The following GPC5 variants were observed in gnomAD, a reference collection of about 807,000 sequenced individuals.
GPC5 encodes the protein glypican-5.
GPC5 carries 47 observed loss-of-function variants against 53.9 expected under a neutral mutation model. The observed-to-expected ratio is 0.87, with a 90% confidence interval of 0.69 to 1.11. The LOEUF (loss-of-function observed/expected upper bound fraction) is 1.11, where lower values mean the gene tolerates loss of function less well. GPC5 is among the 50% of genes most tolerant of loss of function. The probability of loss-of-function intolerance (pLI) is 0.00; values close to 1 mark genes in which losing one functional copy is unlikely to be tolerated. For synonymous variants in GPC5, 286 were observed against 263.3 expected (o/e 1.09, Z -0.84); for missense variants, 748 against 713.1 (o/e 1.05, Z -0.56).
chr13:91,506,009 G>A (rs930230669), intron 2 of GPC5, among the ~76,000 whole-genome samples: 5 of 152,024 alleles, frequency 3.3e-5, no homozygotes, highest in East Asian at 1.9e-4. Flanking sequence ...TGATATATTT[G>A]TGTTTCTATT....
intron 5 of GPC5, among the ~76,000 whole-genome samples, chr13:91,904,966 G>A (rs1303694187): frequency 6.6e-6 from 1 of 151,982 alleles, no homozygotes; most frequent in African/African-American, 2.4e-5. Context: ...CATTGACTGA[G>A]GGGCAAATGC....
intron 2 of GPC5, among the ~76,000 whole-genome samples, chr13:91,565,425 C>T (rs189231561): frequency 3.3e-5 from 5 of 152,236 alleles, no homozygotes; most frequent in Admixed American, 6.5e-5. Flanking sequence ...ACTGCTTAAG[C>T]GATGTACAGT....
chr13:92,291,658 C>G (rs1358188048), intron 7 of GPC5, among the ~76,000 whole-genome samples: 2 of 152,188 alleles, frequency 1.3e-5, no homozygotes, highest in East Asian at 3.9e-4. Flanking sequence ...GGGTCCCCTT[C>G]CACAATGTCG....
At chr13:92,356,566 A>C (rs2043524144) in intron 7 of GPC5, among the ~76,000 whole-genome samples, 1 of 152,202 alleles carries the variant, frequency 6.6e-6, no homozygotes, top group African/African-American at 2.4e-5. Flanking sequence ...AGACAAAGGT[A>C]AAAAGATTTG....
At chr13:92,119,401 T>A (rs1406563787) in intron 6 of GPC5, among the ~76,000 whole-genome samples, 1 of 126,750 alleles carries the variant, frequency 7.9e-6, no homozygotes, top group Non-Finnish European at 1.7e-5. Context: ...TTTTTTTTTT[T>A]TTTTTTTTTT....
At chr13:92,140,024 A>G (rs2138976612) in intron 6 of GPC5, among the ~76,000 whole-genome samples, 1 of 152,328 alleles carries the variant, frequency 6.6e-6, no homozygotes, top group East Asian at 1.9e-4. Flanking sequence ...CGTTCAAGAA[A>G]GTGGATTAAG....
chr13:92,660,300 G>T (rs1445609981), intron 7 of GPC5, among the ~76,000 whole-genome samples: 1 of 151,896 alleles, frequency 6.6e-6, no homozygotes, highest in African/African-American at 2.4e-5. Context: ...ATGCTTTGAT[G>T]ATGAACATTA....
intron 7 of GPC5, among the ~76,000 whole-genome samples, chr13:92,435,008 T>C (rs914827438): frequency 6.6e-6 from 1 of 152,154 alleles, no homozygotes; most frequent in Non-Finnish European, 1.5e-5. Flanking sequence ...TCTGCCTCCC[T>C]GGTTCAAGCG....
intron 7 of GPC5, among the ~76,000 whole-genome samples, chr13:92,480,570 A>C (rs994080888): frequency 3.9e-5 from 6 of 152,200 alleles, no homozygotes; most frequent in Non-Finnish European, 4.4e-5. Context: ...TAGAATTTGC[A>C]CTTTGGAATG....
At chr13:92,105,093 T>C (rs1465046812) in intron 6 of GPC5, among the ~76,000 whole-genome samples, 3 of 152,042 alleles carry the variant, frequency 2.0e-5, no homozygotes, top group Admixed American at 6.6e-5. Context: ...AACTTTTTAA[T>C]TGATTTTTTT....
chr13:92,395,068 A>G (rs1875199644), intron 7 of GPC5, among the ~76,000 whole-genome samples: 1 of 152,180 alleles, frequency 6.6e-6, no homozygotes, highest in African/African-American at 2.4e-5. Context: ...AATTTACTTA[A>G]TGATCTCTCT....
At chr13:92,118,080 GT>G (rs1188194300) in intron 6 of GPC5, among the ~76,000 whole-genome samples, 1 of 151,838 alleles carries the variant, frequency 6.6e-6, no homozygotes, top group African/African-American at 2.4e-5. Context: ...GGCAGTTTTG[GT>G]TTTTTTGTTT....
chr13:92,276,920 G>A (rs1213977048), intron 7 of GPC5, among the ~76,000 whole-genome samples: 2 of 151,950 alleles, frequency 1.3e-5, no homozygotes, highest in Admixed American at 6.6e-5. Context: ...TACTCATCCA[G>A]AGGAGGTATA....
At chr13:92,300,037 TA>T (rs2043064878) in intron 7 of GPC5, among the ~76,000 whole-genome samples, 1 of 152,206 alleles carries the variant, frequency 6.6e-6, no homozygotes, top group East Asian at 1.9e-4. Flanking sequence ...AATAATTGAT[TA>T]ATCTCTCCAT....
intron 5 of GPC5, among the ~76,000 whole-genome samples, chr13:91,815,587 A>G (rs573211108): frequency 1.2e-4 from 18 of 152,236 alleles, no homozygotes; most frequent in African/African-American, 4.1e-4. Flanking sequence ...TCTGGACATT[A>G]TGATTCCTTA....
chr13:91,412,793 CA>C (rs1410505070), intron 1 of GPC5, among the ~76,000 whole-genome samples: 1 of 152,170 alleles, frequency 6.6e-6, no homozygotes, highest in Non-Finnish European at 1.5e-5. Flanking sequence ...GAGAATTCCG[CA>C]GTATGAATCA....
At chr13:92,782,483 CT>C (rs1220433622) in intron 7 of GPC5, among the ~76,000 whole-genome samples, 1 of 152,078 alleles carries the variant, frequency 6.6e-6, no homozygotes, top group Non-Finnish European at 1.5e-5. Context: ...GTCTGAGTCA[CT>C]GAGATTTATA....
At position 92,144,870 on chromosome 13, in the gene GPC5, T is replaced by A; in HGVS notation, c.1442T>A (p.Leu481His). The A allele has an allele frequency of 2.5e-6, 4 of 1,612,086 alleles. No individual in the cohort carries two copies. Among genetic ancestry groups the A allele is most frequent in the Non-Finnish European group, 3.4e-6 (4 of 1,179,116 alleles). The change falls in exon 7 of 8, where the codon CTT becomes CAT. Residue 481 changes from leucine to histidine, a missense_variant. Coordinates refer to ENST00000377067, the MANE Select transcript of GPC5 (RefSeq NM_004466.6). Reference protein sequence around the residue: ...GRSPKPDKWELLQLGSGGGMV... With the variant: ...GRSPKPDKWEHLQLGSGGGMV... ...TCACCCAAACCTGACAAGTGGGAAC[T>A]TCTTCAGCTGGGCAGTGGTGGAGGC...
At chr13:91,451,284 A>G (rs1480302200) in intron 2 of GPC5, among the ~76,000 whole-genome samples, 1 of 152,216 alleles carries the variant, frequency 6.6e-6, no homozygotes, top group Non-Finnish European at 1.5e-5. Context: ...GTTATATTGT[A>G]GGTTATAAAA....
Sources: gnomAD v4.1 joint callset for allele counts (sites outside exome capture counted in the v4.1 genomes callset) on GRCh38, gnomAD v4.1.1 for gene constraint, MANE v1.5 for transcripts, NCBI Gene and HGNC (gene_info 2026-07-23, HGNC 2026-07-21) for gene names.